The following MAP3K15 variants were observed in gnomAD, a reference collection of about 807,000 sequenced individuals.
The protein encoded by MAP3K15 is mitogen-activated protein kinase kinase kinase 15, also known as MAPK/ERK kinase kinase 15.
A neutral mutation model predicts 99.5 loss-of-function variants in MAP3K15; 124 were observed. The ratio of observed to expected loss-of-function variants is 1.25; its 90% confidence interval spans 1.08 to 1.45. The LOEUF (loss-of-function observed/expected upper bound fraction) is 1.45. Ranked by LOEUF, MAP3K15 falls within the 40% of genes most tolerant of loss-of-function variation. The probability of loss-of-function intolerance (pLI) is 0.00; values close to 1 mark genes in which losing one functional copy is unlikely to be tolerated. For synonymous variants in MAP3K15, 494 were observed against 439.6 expected (o/e 1.12, Z -1.55); for missense variants, 1,242 against 1,079.7 (o/e 1.15, Z -2.11).
chrX:19,462,999 A>G (rs1356923434), intron 4 of MAP3K15, among the ~76,000 whole-genome samples: 1 of 112,443 alleles, frequency 8.9e-6, no homozygotes, highest in Non-Finnish European at 1.9e-5. Flanking sequence ...TGTCTTGCAA[A>G]GACCTAAATC....
intron 3 of MAP3K15, among the ~76,000 whole-genome samples, chrX:19,477,396 A>C (rs1251187029): frequency 2.7e-5 from 3 of 112,006 alleles, no homozygotes; most frequent in African/African-American, 6.5e-5. Context: ...AACAGAACAT[A>C]CAAAAATAAA....
intron 9 of MAP3K15, among the ~76,000 whole-genome samples, chrX:19,422,102 T>C (rs1283136583): frequency 9.1e-6 from 1 of 109,858 alleles, no homozygotes; most frequent in Non-Finnish European, 1.9e-5. Context: ...GGCAATACCA[T>C]TCAGGACATA....
intron 18 of MAP3K15, among the ~76,000 whole-genome samples, chrX:19,388,085 C>T (rs940306317): frequency 1.8e-5 from 2 of 112,705 alleles, no homozygotes; most frequent in Admixed American, 9.3e-5. Flanking sequence ...GACCACAGGT[C>T]GCTGCCTGCA....
intron 1 of MAP3K15, among the ~76,000 whole-genome samples, chrX:19,498,980 T>A (rs962403592): frequency 3.6e-5 from 4 of 111,969 alleles, no homozygotes; most frequent in Admixed American, 1.9e-4. Context: ...AAGCCACCAT[T>A]ATGTACATGG....
At chrX:19,369,777 G>T (rs749514821) in intron 24 of MAP3K15, among the ~76,000 whole-genome samples, 7 of 111,190 alleles carry the variant, frequency 6.3e-5, no homozygotes, top group Non-Finnish European at 1.3e-4. Flanking sequence ...GGGTGTGGTG[G>T]CGCGCACCTG....
intron 18 of MAP3K15, among the ~76,000 whole-genome samples, chrX:19,385,943 T>C (rs1396937845): frequency 1.8e-5 from 2 of 111,910 alleles, no homozygotes; most frequent in Non-Finnish European, 3.8e-5. Context: ...TTCACTACTG[T>C]ATTCACAAGG....
At chrX:19,455,659 C>A (rs2064088100) in intron 6 of MAP3K15, among the ~76,000 whole-genome samples, 1 of 107,295 alleles carries the variant, frequency 9.3e-6, no homozygotes, top group Non-Finnish European at 1.9e-5. Context: ...TGCGGCCGGC[C>A]CCAATTTTCC....
At chrX:19,480,838 G>A (rs2064283983) in intron 3 of MAP3K15, among the ~76,000 whole-genome samples, 1 of 105,667 alleles carries the variant, frequency 9.5e-6, no homozygotes, top group African/African-American at 3.5e-5. Flanking sequence ...AAAAGGGCTG[G>A]GTATGGTGGC....
chrX:19,373,827 G>A (rs1334057429), intron 20 of MAP3K15, 132 bp from the exon 21 acceptor site: 22 of 685,488 alleles, frequency 3.2e-5, no homozygotes, highest in Admixed American at 2.5e-4. Context: ...TGGGTTGGGC[G>A]GGGGACGGGC....
chrX:19,411,218 G>T (rs1483333964), intron 11 of MAP3K15, among the ~76,000 whole-genome samples: 3 of 111,090 alleles, frequency 2.7e-5, no homozygotes, highest in African/African-American at 9.8e-5. Flanking sequence ...GTTGGCCTGA[G>T]GAATGTCACA....
intron 9 of MAP3K15, among the ~76,000 whole-genome samples, chrX:19,417,165 T>C (rs2063742951): frequency 8.9e-6 from 1 of 112,054 alleles, no homozygotes; most frequent in Admixed American, 9.4e-5. Context: ...AGGTACCAGG[T>C]ACATCTCACT....
rs777382287 is a variant in MAP3K15 at position 19,487,949 on chromosome X, G to A, written c.501+879C>T. 2.2e-4 allele frequency among the ~76,000 whole-genome samples: 24 copies of A among 110,392 alleles called. No individual in the cohort carries two copies. In the South Asian group the frequency reaches 8.6e-3, roughly 39 times the overall value. On this transcript the variant is annotated intron_variant, in intron 2 of 28. Transcript: ENST00000338883. ...CATTTGGGAGGTTAAAAAAATCTCC[G>A]TGCCTTGGTCCCAACCCCCATCCCC...
At position 19,371,363 on chromosome X, in the gene MAP3K15, C is replaced by T. The variant is rs149866594; in HGVS notation, c.3276G>A (p.Leu1092=). 2 of 1,205,552 alleles carry T rather than the reference C, an allele frequency of 1.7e-6. No individual in the cohort carries two copies. Among genetic ancestry groups the T allele is most frequent in the African/African-American group, 3.5e-5 (2 of 56,982 alleles). ...CACTTACGGCATCCTGAAATCCGAA[C>T]AGCACCAGGTGAATCTGACTGATGG... ...SSSISQIHLV[L]FGFQDAVNKI... Residue 1092 remains leucine, a synonymous_variant, in exon 23 of 29, where the codon CTG becomes CTA. Coordinates refer to ENST00000338883, the MANE Select transcript of MAP3K15 (RefSeq NM_001001671.4).
intron 3 of MAP3K15, among the ~76,000 whole-genome samples, chrX:19,472,031 G>A (rs1181085698): frequency 2.7e-5 from 3 of 110,558 alleles, no homozygotes; most frequent in African/African-American, 9.9e-5. Context: ...GACCATCCTG[G>A]CTAACACAGT....
intron 3 of MAP3K15, among the ~76,000 whole-genome samples, chrX:19,471,616 T>G (rs1363991186): frequency 9.0e-6 from 1 of 110,898 alleles, no homozygotes; most frequent in Non-Finnish European, 1.9e-5. Flanking sequence ...CCAAATGAAC[T>G]CCAAGTGGGA....
chrX:19,478,815 A>C (rs963315442), intron 3 of MAP3K15, among the ~76,000 whole-genome samples: 2 of 110,248 alleles, frequency 1.8e-5, no homozygotes, highest in Non-Finnish European at 3.8e-5. Context: ...CTGCTTTTTA[A>C]AAAAACAACT....
At chrX:19,447,439 A>G (rs945352696) in intron 6 of MAP3K15, among the ~76,000 whole-genome samples, 4 of 112,113 alleles carry the variant, frequency 3.6e-5, no homozygotes, top group Admixed American at 9.5e-5. Flanking sequence ...GTTCAAACAC[A>G]CTGAAACACA....
At chrX:19,411,958 G>GA (rs779180370) in intron 11 of MAP3K15, among the ~76,000 whole-genome samples, 2 of 112,190 alleles carry the variant, frequency 1.8e-5, no homozygotes, top group South Asian at 3.7e-4. Flanking sequence ...AGGAGAATAT[G>GA]AAAGCCAGCA....
intron 13 of MAP3K15, among the ~76,000 whole-genome samples, chrX:19,402,352 C>G (rs1373520366): frequency 9.0e-6 from 1 of 110,811 alleles, no homozygotes; most frequent in African/African-American, 3.3e-5. Context: ...ACAACTGGGA[C>G]TCTCATACAT....
Sources: gnomAD v4.1 joint callset for allele counts (sites outside exome capture counted in the v4.1 genomes callset) on GRCh38, gnomAD v4.1.1 for gene constraint, MANE v1.5 for transcripts, NCBI Gene and HGNC (gene_info 2026-07-23, HGNC 2026-07-21) for gene names.